Variants in CNGB3 observed in about 807,000 individuals in gnomAD.
The protein encoded by CNGB3 is cyclic nucleotide gated channel subunit beta 3.
In CNGB3, 86 loss-of-function variants were observed where a neutral mutation model predicts 92.8. That is an observed-to-expected ratio of 0.93 (90% CI 0.78 to 1.11). CNGB3 has a LOEUF of 1.11. CNGB3 is among the 50% of genes least tolerant of loss of function. The pLI is 0.00. For missense variants in CNGB3, 1,026 were observed against 956.8 expected (o/e 1.07, Z -0.95); for synonymous variants, 333 against 332.7 (o/e 1.00, Z -0.01).
At chr8:86,638,586 C>T (rs1156994191) in intron 10 of CNGB3, among the ~76,000 whole-genome samples, 1 of 152,094 alleles carries the variant, frequency 6.6e-6, no homozygotes, top group East Asian at 1.9e-4. Context: ...GGAGAACGGT[C>T]TTATTAGAAT....
intron 6 of CNGB3, among the ~76,000 whole-genome samples, chr8:86,662,241 A>T (rs1563745536): frequency 6.6e-6 from 1 of 152,234 alleles, no homozygotes; most frequent in Non-Finnish European, 1.5e-5. Flanking sequence ...AAATAATATT[A>T]CCTGAAACAA....
At chr8:86,638,621 T>G (rs553743422) in intron 10 of CNGB3, among the ~76,000 whole-genome samples, 24 of 152,186 alleles carry the variant, frequency 1.6e-4, no homozygotes, top group Admixed American at 4.6e-4. Context: ...GGTAGGTGTT[T>G]ATGGGCCTAG....
At position 86,604,113 on chromosome 8, in the gene CNGB3, C is replaced by A; in HGVS notation, c.1761G>T (p.Gly587=). ...GTKVLVTLKA[G]SVFGEISLLA... ...GATACCTGATTTCTCCAAACACCGA[C>A]CCAGCTTTCAGAGTAACCAGAACTT... Residue 587 remains glycine, a synonymous_variant, in exon 15 of 18, where the codon GGG becomes GGT. Transcript: ENST00000320005. The A allele has an allele frequency of 6.2e-7, 1 of 1,612,372 alleles. No individual in the cohort carries two copies. Among genetic ancestry groups the A allele is most frequent in the East Asian group, 2.2e-5 (1 of 44,848 alleles).
At chr8:86,717,046 C>A (rs1824867058) in intron 3 of CNGB3, among the ~76,000 whole-genome samples, 1 of 151,928 alleles carries the variant, frequency 6.6e-6, no homozygotes. Flanking sequence ...CAAATGGACA[C>A]CAAAAGCGAG....
intron 3 of CNGB3, among the ~76,000 whole-genome samples, chr8:86,688,184 GT>G (rs1357614300): frequency 6.6e-6 from 1 of 151,938 alleles, no homozygotes; most frequent in Non-Finnish European, 1.5e-5. Flanking sequence ...CATGGTACTT[GT>G]TTTCTTTTTC....
rs1475232114 is a variant in CNGB3 at position 86,575,304 on chromosome 8, T to A, written c.*500A>T. ...GATTTTTTGATATTACAGTGACTCA[T>A]CATCCTCATTTGAATGAAAATAATC... On this transcript the variant is annotated 3_prime_UTR_variant, in exon 18 of 18. Transcript: ENST00000320005. 2 of 152,404 alleles carry A rather than the reference T, an allele frequency of 1.3e-5. No homozygotes were observed. Among genetic ancestry groups the A allele is most frequent in the African/African-American group, 4.8e-5 (2 of 41,444 alleles). 9.4% of individuals were successfully genotyped at this position (152,404 alleles called of 1,614,324 possible).
At chr8:86,657,003 C>A (rs1408269897) in intron 6 of CNGB3, among the ~76,000 whole-genome samples, 1 of 152,136 alleles carries the variant, frequency 6.6e-6, no homozygotes, top group Non-Finnish European at 1.5e-5. Context: ...CCACCCCCAG[C>A]AGCCTGTTCT....
At chr8:86,652,378 C>T (rs1585993907) in intron 7 of CNGB3, among the ~76,000 whole-genome samples, 1 of 151,928 alleles carries the variant, frequency 6.6e-6, no homozygotes, top group African/African-American at 2.4e-5. Flanking sequence ...AGTTAGGCTA[C>T]ACTAAATTTA....
At chr8:86,738,484 G>T (rs1825283730) in intron 2 of CNGB3, among the ~76,000 whole-genome samples, 5 of 152,142 alleles carry the variant, frequency 3.3e-5, no homozygotes, top group Admixed American at 3.3e-4. Flanking sequence ...TTGGCCTGGG[G>T]GTAGTGCAGA....
intron 3 of CNGB3, among the ~76,000 whole-genome samples, chr8:86,700,102 A>G (rs1450516826): frequency 1.3e-5 from 2 of 151,930 alleles, no homozygotes; most frequent in African/African-American, 4.9e-5. Flanking sequence ...AAGAAACGAG[A>G]CCTAAGCATT....
intron 3 of CNGB3, among the ~76,000 whole-genome samples, chr8:86,720,968 A>T (rs538683059): frequency 6.0e-5 from 9 of 150,964 alleles, no homozygotes; most frequent in East Asian, 3.9e-4. Flanking sequence ...TAATAATAAT[A>T]ATTATTATTA....
rs1409943496 is a variant in CNGB3, at chr8:86,686,989, C to T, written c.339-15891G>A. ...GAATTTTCACTGAAAGAATCTGAAG[C>T]TTAAGCTTTATTAGCTTCATAGTAA... On this transcript the variant is annotated intron_variant, in intron 3 of 17. Transcript: ENST00000320005. 2.0e-5 allele frequency among the ~76,000 whole-genome samples: 3 copies of T among 152,096 alleles called. No homozygotes were observed. The South Asian group carries it at 6.2e-4, about 32-fold the overall frequency.
At chr8:86,704,062 A>G (rs1458447360) in intron 3 of CNGB3, 1 of 152,162 alleles carries the variant, frequency 6.6e-6, no homozygotes, top group Non-Finnish European at 1.5e-5. Context: ...ACTCCTCCCA[A>G]ACTTAACTAC....
In CNGB3 at chr8:86,654,012, C is replaced by G. The variant is rs1212945763; in HGVS notation, c.903G>C (p.Gln301His). 3 of 1,589,642 alleles carry G rather than the reference C, an allele frequency of 1.9e-6. No individual in the cohort carries two copies. The Admixed American group carries it at 5.0e-5, about 27-fold the overall frequency. The stretch of plus-strand genomic sequence containing the variant: ...AACTTTGAAATTGTTTGTCACCTAC[C>G]TGAAATTTTGTAGAAGTCCTGTAGT... ...RKHYRTSTKF[Q>H]LDVASIIPFD... The change falls in exon 7 of 18, where the codon CAG becomes CAC. Residue 301 changes from glutamine to histidine, a missense_variant and splice_region_variant. Gln to His is a conservative substitution (Grantham distance 24). Coordinates refer to ENST00000320005, the MANE Select transcript of CNGB3 (RefSeq NM_019098.5).
At chr8:86,706,878 C>T (rs1372495172) in intron 3 of CNGB3, among the ~76,000 whole-genome samples, 1 of 152,140 alleles carries the variant, frequency 6.6e-6, no homozygotes, top group South Asian at 2.1e-4. Context: ...CAATTTTGTT[C>T]TTGACCTCAA....
At chr8:86,665,557 G>A (rs563534187) in intron 6 of CNGB3, among the ~76,000 whole-genome samples, 1 of 152,222 alleles carries the variant, frequency 6.6e-6, no homozygotes, top group South Asian at 2.1e-4. Context: ...AGAGAATGTG[G>A]CACATATACA....
chr8:86,607,954 C>G (rs1822443438), intron 14 of CNGB3, among the ~76,000 whole-genome samples: 1 of 152,212 alleles, frequency 6.6e-6, no homozygotes, highest in Non-Finnish European at 1.5e-5. Flanking sequence ...TCTTCTCTGT[C>G]AATATCTACT....
intron 11 of CNGB3, among the ~76,000 whole-genome samples, chr8:86,631,337 T>A (rs1822957149): frequency 6.6e-6 from 1 of 152,194 alleles, no homozygotes; most frequent in African/African-American, 2.4e-5. Context: ...CTAGAAATAG[T>A]ATTTTAGTCT....
At chr8:86,600,724 C>A (rs1822279525) in intron 15 of CNGB3, among the ~76,000 whole-genome samples, 1 of 150,086 alleles carries the variant, frequency 6.7e-6, no homozygotes, top group Non-Finnish European at 1.5e-5. Flanking sequence ...ATTCTCCTGC[C>A]TCAGCCTCCC....
Sources: gnomAD v4.1 joint callset for allele counts (sites outside exome capture counted in the v4.1 genomes callset) on GRCh38, gnomAD v4.1.1 for gene constraint, MANE v1.5 for transcripts, NCBI Gene and HGNC (gene_info 2026-07-23, HGNC 2026-07-21) for gene names.